Variants in APBB1IP observed in about 807,000 individuals in gnomAD.
APBB1IP encodes amyloid beta A4 precursor protein-binding family B member 1-interacting protein.
APBB1IP carries 27 observed loss-of-function variants against 64.9 expected under a neutral mutation model. The observed-to-expected ratio is 0.42, with a 90% CI of 0.31 to 0.57. APBB1IP has a LOEUF of 0.57. APBB1IP is among the 20% of genes least tolerant of loss of function. The pLI is 0.20. For missense variants in APBB1IP, 812 were observed against 845.5 expected (o/e 0.96, Z 0.49); for synonymous variants, 392 against 331.0 (o/e 1.18, Z -2.00).
intron 6 of APBB1IP, among the ~76,000 whole-genome samples, chr10:26,510,253 C>T (rs1836235977): frequency 1.3e-5 from 2 of 152,184 alleles, no homozygotes; most frequent in Admixed American, 1.3e-4. Context: ...CAGGCGTGAG[C>T]CACCATGCCC....
At chr10:26,555,684 C>A (rs980375061) in intron 11 of APBB1IP, among the ~76,000 whole-genome samples, 1 of 152,130 alleles carries the variant, frequency 6.6e-6, no homozygotes, top group African/African-American at 2.4e-5. Flanking sequence ...ACCGCAGCCT[C>A]GAACACCTGG....
chr10:26,543,882 G>A (rs1002588049), intron 11 of APBB1IP, among the ~76,000 whole-genome samples: 1 of 152,204 alleles, frequency 6.6e-6, no homozygotes, highest in Admixed American at 6.5e-5. Context: ...GGTGAGGGAG[G>A]TCTGTTTGTT....
chr10:26,535,799 A>C (rs1250747005), intron 9 of APBB1IP, among the ~76,000 whole-genome samples: 1 of 152,176 alleles, frequency 6.6e-6, no homozygotes, highest in African/African-American at 2.4e-5. Context: ...ATTCCATTTT[A>C]ACAAGTAAGT....
At position 26,530,223 on chromosome 10, in the gene APBB1IP, T is replaced by TTTTTC. The variant is rs1352691430; in HGVS notation, c.814-3211_814-3207dup. On this transcript the variant is annotated intron_variant, in intron 8 of 14. Transcript: ENST00000376236. The stretch of plus-strand genomic sequence containing the variant: ...CTATGGTACTTAAAGCTTTTTTTTC[T>TTTTTC]TTTTCTTTTTTTTTTTTTTTTTGAG... Among the ~76,000 whole-genome samples the TTTTTC allele has an allele frequency of 8.4e-3, 233 of 27,640 alleles. 2 individuals carry two copies. The highest frequency in any genetic ancestry group is 0.014 in the Non-Finnish European group (150 of 11,082). 18.1% of individuals were successfully genotyped at this position (27,640 alleles called of 152,430 possible). A position where few individuals can be genotyped will look rare whatever the true frequency, so the allele number is the denominator to read the frequency against.
chr10:26,513,296 T>G (rs906219675), intron 7 of APBB1IP, among the ~76,000 whole-genome samples: 3 of 152,200 alleles, frequency 2.0e-5, no homozygotes, highest in Non-Finnish European at 4.4e-5. Context: ...GAAATAAGTG[T>G]GACAGCTGAC....
intron 2 of APBB1IP, among the ~76,000 whole-genome samples, chr10:26,441,197 A>T (rs1404192895): frequency 1.3e-5 from 2 of 152,238 alleles, no homozygotes; most frequent in Non-Finnish European, 2.9e-5. Flanking sequence ...TTAAAGCTTA[A>T]GCATTTATTA....
chr10:26,543,706 G>C (rs911108321), intron 11 of APBB1IP, among the ~76,000 whole-genome samples: 1 of 152,132 alleles, frequency 6.6e-6, no homozygotes, highest in African/African-American at 2.4e-5. Flanking sequence ...TAGTAACAAG[G>C]AGCAATATGA....
Position 26,438,792 on chromosome 10 carries a change from GCTTTCCCGGCCGGAGT to G in APBB1IP, c.-59_-44del, listed in dbSNP as rs1835307311. ...GGTGCGGCAGTCTGCACCGCGCGTC[GCTTTCCCGGCCGGAGT>G]CTCGCCGCCTTCCCGCGCCCCGCAG... is the stretch of plus-strand genomic sequence containing the variant. On this transcript the variant is annotated 5_prime_UTR_variant, in exon 2 of 15. Coordinates refer to ENST00000376236, the MANE Select transcript of APBB1IP (RefSeq NM_019043.4). The G allele has an allele frequency of 6.6e-6, 1 of 152,602 alleles. No individual in the cohort carries two copies. Among genetic ancestry groups the G allele is most frequent in the African/African-American group, 2.4e-5 (1 of 41,468 alleles). 9.5% of individuals were successfully genotyped at this position (152,602 alleles called of 1,614,324 possible).
chr10:26,496,266 A>G (rs777890848), intron 3 of APBB1IP, 38 bp from the exon 4 acceptor site: 71 of 1,473,688 alleles, frequency 4.8e-5, no homozygotes, highest in Middle Eastern at 3.4e-4. Context: ...AAATGTTTGT[A>G]TCATGAATAA....
intron 11 of APBB1IP, among the ~76,000 whole-genome samples, chr10:26,558,541 G>A (rs1836923237): frequency 6.6e-6 from 1 of 151,834 alleles, no homozygotes; most frequent in African/African-American, 2.4e-5. Flanking sequence ...AGCACTTTGG[G>A]AGGCTAAGGT....
At chr10:26,535,274 C>T (rs1417919969) in intron 9 of APBB1IP, among the ~76,000 whole-genome samples, 1 of 152,006 alleles carries the variant, frequency 6.6e-6, no homozygotes, top group Non-Finnish European at 1.5e-5. Context: ...AGAAAACTAT[C>T]CCAATAATAA....
At chr10:26,521,820 G>A (rs182980486) in intron 8 of APBB1IP, among the ~76,000 whole-genome samples, 119 of 152,170 alleles carry the variant, frequency 7.8e-4, no homozygotes, top group Middle Eastern at 3.4e-3. Flanking sequence ...GCATGATTAC[G>A]ACTCACTGCA....
At chr10:26,483,042 A>G (rs1012560924) in intron 2 of APBB1IP, among the ~76,000 whole-genome samples, 1 of 146,570 alleles carries the variant, frequency 6.8e-6, no homozygotes, top group African/African-American at 2.5e-5. Context: ...GTGAGCCGAG[A>G]TCACACCATT....
intron 2 of APBB1IP, among the ~76,000 whole-genome samples, chr10:26,452,941 A>G (rs1196298056): frequency 6.6e-6 from 1 of 152,172 alleles, no homozygotes; most frequent in East Asian, 1.9e-4. Context: ...AACTCCTACT[A>G]TTCTTTTTAA....
intron 2 of APBB1IP, among the ~76,000 whole-genome samples, chr10:26,449,310 T>C (rs1835439790): frequency 6.6e-6 from 1 of 152,134 alleles, no homozygotes; most frequent in African/African-American, 2.4e-5. Context: ...TGTGTGTGTA[T>C]ATCTGTGTGT....
At chr10:26,508,348 C>T (rs986607770) in intron 6 of APBB1IP, among the ~76,000 whole-genome samples, 3 of 150,054 alleles carry the variant, frequency 2.0e-5, no homozygotes, top group Non-Finnish European at 4.4e-5. Flanking sequence ...TTAAAAATGC[C>T]CTGGGACACC....
intron 8 of APBB1IP, among the ~76,000 whole-genome samples, chr10:26,519,297 GA>G (rs1836373189): frequency 1.3e-5 from 2 of 151,900 alleles, no homozygotes; most frequent in Non-Finnish European, 2.9e-5. Context: ...ATCTCAAAAA[GA>G]AAAAAAGAAA....
chr10:26,559,442 T>G (rs1449856413), intron 11 of APBB1IP, among the ~76,000 whole-genome samples: 1 of 151,308 alleles, frequency 6.6e-6, no homozygotes, highest in Non-Finnish European at 1.5e-5. Context: ...CTGGACATGG[T>G]GGTGTGCACC....
intron 2 of APBB1IP, among the ~76,000 whole-genome samples, chr10:26,474,953 G>A (rs937017464): frequency 7.9e-5 from 12 of 152,192 alleles, no homozygotes; most frequent in Admixed American, 4.6e-4. Flanking sequence ...TTCTAGAGGC[G>A]GAAACGCCAT....
Sources: allele counts gnomAD v4.1 joint callset (sites outside exome capture counted in the v4.1 genomes callset), GRCh38; gene constraint gnomAD v4.1.1; transcripts MANE v1.5; gene names NCBI Gene and HGNC (gene_info 2026-07-23, HGNC 2026-07-21).